The following RALGAPA1 variants were observed in gnomAD, a reference collection of about 807,000 sequenced individuals.
The protein encoded by RALGAPA1 is Ral GTPase activating protein catalytic subunit alpha 1, also known as ral GTPase-activating protein subunit alpha-1.
Under a neutral mutation model 269.6 loss-of-function variants are expected in RALGAPA1, and 52 were observed. The ratio of observed to expected loss-of-function variants is 0.19; its 90% CI spans 0.15 to 0.24. RALGAPA1 has a LOEUF of 0.24. Among genes scored for constraint, RALGAPA1 ranks in the 10% least tolerant of loss-of-function variants. RALGAPA1 has a pLI of 1.00. For synonymous variants in RALGAPA1, 817 were observed against 1,008.3 expected, an observed-to-expected ratio of 0.81 and a Z score of 3.60; for missense variants, 1,917 against 3,013.9, an observed-to-expected ratio of 0.64 and a Z score of 8.52.
chr14:35,663,613 G>A (rs1242239978), intron 27 of RALGAPA1, among the ~76,000 whole-genome samples: 12 of 139,014 alleles, frequency 8.6e-5, no homozygotes, highest in African/African-American at 3.3e-4. Flanking sequence ...TTTTTGAGAC[G>A]GAGTCTCGCT....
chr14:35,568,083 G>A (rs1006082697), intron 39 of RALGAPA1, among the ~76,000 whole-genome samples: 41 of 152,136 alleles, frequency 2.7e-4, no homozygotes, highest in Admixed American at 1.0e-3. Flanking sequence ...ATTAGCTACT[G>A]TTCTAGAGAT....
intron 16 of RALGAPA1, among the ~76,000 whole-genome samples, chr14:35,717,108 A>T (rs1567075425): frequency 6.6e-6 from 1 of 152,256 alleles, no homozygotes; most frequent in East Asian, 1.9e-4. Flanking sequence ...CTATAGATAT[A>T]CTTGCATATA....
chr14:35,739,720 G>A (rs775211237), intron 11 of RALGAPA1, among the ~76,000 whole-genome samples: 2 of 152,018 alleles, frequency 1.3e-5, no homozygotes, highest in African/African-American at 2.4e-5. Context: ...TATTTCCACT[G>A]CAACTACCGC....
chr14:35,723,380 C>T (rs1275948937), intron 14 of RALGAPA1, 116 bp from the exon 15 acceptor site: 4 of 594,654 alleles, frequency 6.7e-6, no homozygotes, highest in Middle Eastern at 3.8e-4. Flanking sequence ...AAATCGCATG[C>T]TTTTTTTAAT....
intron 33 of RALGAPA1, among the ~76,000 whole-genome samples, chr14:35,631,265 C>G (rs535743380): frequency 6.6e-6 from 1 of 152,238 alleles, no homozygotes; most frequent in Admixed American, 6.5e-5. Context: ...TCCCTCTTTA[C>G]CACAGCTCTA....
At chr14:35,598,568 T>G (rs985274884) in intron 36 of RALGAPA1, among the ~76,000 whole-genome samples, 2 of 152,032 alleles carry the variant, frequency 1.3e-5, no homozygotes, top group Non-Finnish European at 2.9e-5. Flanking sequence ...TACAGGTGTC[T>G]GCCACCACGC....
intron 12 of RALGAPA1, among the ~76,000 whole-genome samples, chr14:35,734,489 T>C (rs779417569): frequency 2.0e-5 from 3 of 152,168 alleles, no homozygotes; most frequent in Non-Finnish European, 4.4e-5. Context: ...GCTGGGATGA[T>C]AGGTTAGCCA....
chr14:35,706,185 T>G (rs1025148487), intron 16 of RALGAPA1, among the ~76,000 whole-genome samples: 5 of 152,222 alleles, frequency 3.3e-5, no homozygotes, highest in African/African-American at 1.2e-4. Flanking sequence ...ATTTTATTGT[T>G]GGTATTGTAT....
chr14:35,636,712 G>A (rs1483247809), intron 31 of RALGAPA1, among the ~76,000 whole-genome samples: 3 of 152,070 alleles, frequency 2.0e-5, no homozygotes, highest in Admixed American at 1.3e-4. Context: ...GGAGAGACGA[G>A]GTTTTGCCAC....
intron 37 of RALGAPA1, among the ~76,000 whole-genome samples, chr14:35,588,975 G>A (rs1292670606): frequency 6.6e-6 from 1 of 152,154 alleles, no homozygotes; most frequent in Admixed American, 6.5e-5. Flanking sequence ...TAACCTGAAG[G>A]ACTTTATGTT....
chr14:35,760,445 C>G (rs1026348730), intron 6 of RALGAPA1, among the ~76,000 whole-genome samples: 4 of 152,220 alleles, frequency 2.6e-5, no homozygotes, highest in Non-Finnish European at 4.4e-5. Flanking sequence ...TAACAATCTA[C>G]AGCCCACTGG....
chr14:35,712,571 C>T (rs1344859906), intron 16 of RALGAPA1, among the ~76,000 whole-genome samples: 1 of 152,106 alleles, frequency 6.6e-6, no homozygotes, highest in African/African-American at 2.4e-5. Flanking sequence ...GGCAGTGGTG[C>T]AATCATAGCT....
intron 31 of RALGAPA1, among the ~76,000 whole-genome samples, chr14:35,650,808 C>CA (rs1384619257): frequency 9.9e-5 from 15 of 152,138 alleles, no homozygotes; most frequent in African/African-American, 2.2e-4. Context: ...GAATAATTCT[C>CA]AGAGGAAACT....
In RALGAPA1 at chr14:35,549,127, T is replaced by C. The variant is rs2054732436; in HGVS notation, c.7604A>G (p.His2535Arg). The C allele has an allele frequency of 6.2e-7, 1 of 1,611,404 alleles. No individual in the cohort carries two copies. Among genetic ancestry groups the C allele is most frequent in the Non-Finnish European group, 8.5e-7 (1 of 1,179,330 alleles). The change falls in exon 40 of 42, where the codon CAT (histidine) becomes CGT (arginine). Residue 2535 changes from histidine to arginine, a missense_variant. Physicochemically the swap from His to Arg is conservative, Grantham distance 29. Coordinates refer to ENST00000680220, the MANE Select transcript of RALGAPA1 (RefSeq NM_001346249.2). ...AQVFSPAPYHHLPSDADH is the reference protein window; with the variant it reads ...AQVFSPAPYHRLPSDADH ...AATCTTACCGGCATCAGATGGTAAA[T>C]GGTGGTAGGGAGCTGGAGAAAAAAC...
intron 37 of RALGAPA1, among the ~76,000 whole-genome samples, chr14:35,575,147 T>C (rs888506760): frequency 2.1e-5 from 3 of 144,982 alleles, no homozygotes; most frequent in African/African-American, 2.5e-5. Context: ...AAAAAAAAGA[T>C]TGTATAACCA....
At chr14:35,754,759 T>C (rs2073028890) in intron 7 of RALGAPA1, among the ~76,000 whole-genome samples, 3 of 152,230 alleles carry the variant, frequency 2.0e-5, no homozygotes, top group Admixed American at 6.5e-5. Flanking sequence ...ACAGCAGTTT[T>C]ACTTTAAATA....
intron 37 of RALGAPA1, among the ~76,000 whole-genome samples, chr14:35,591,469 C>T (rs912412725): frequency 6.6e-6 from 1 of 152,086 alleles, no homozygotes; most frequent in Admixed American, 6.6e-5. Flanking sequence ...GCACATGCTA[C>T]CATGCCTGGC....
chr14:35,584,951 C>G (rs2058184702), intron 37 of RALGAPA1, among the ~76,000 whole-genome samples: 1 of 151,994 alleles, frequency 6.6e-6, no homozygotes. Flanking sequence ...ACAAGAAAGC[C>G]ACTATAAAGA....
Position 35,647,221 on chromosome 14 carries a change from T to A in RALGAPA1, c.5676+4584A>T, listed in dbSNP as rs73248979. On this transcript the variant is annotated intron_variant, in intron 31 of 41. Coordinates refer to ENST00000680220, the MANE Select transcript of RALGAPA1 (RefSeq NM_001346249.2). Reference sequence around the variant, plus strand: ...AGTACACACTGCTGGCACGTGATTTTAAAAAAAAATCACTATATAAATGTT... The same window carrying A: ...AGTACACACTGCTGGCACGTGATTTAAAAAAAAAATCACTATATAAATGTT... Among the ~76,000 whole-genome samples, 543 of 151,810 alleles carry A rather than the reference T, an allele frequency of 3.6e-3. 4 individuals are homozygous for A. Among genetic ancestry groups the A allele is most frequent in the African/African-American group, 0.012 (485 of 41,432 alleles).
Sources: gnomAD v4.1 joint callset for allele counts (sites outside exome capture counted in the v4.1 genomes callset) on GRCh38, gnomAD v4.1.1 for gene constraint, MANE v1.5 for transcripts, NCBI Gene and HGNC (gene_info 2026-07-23, HGNC 2026-07-21) for gene names.